Variants in LRP1B observed in about 807,000 individuals in gnomAD.
LRP1B encodes the protein low-density lipoprotein receptor-related protein 1B.
LRP1B carries 217 observed loss-of-function variants against 556.6 expected under a neutral mutation model. That is an observed-to-expected ratio of 0.39 (90% CI 0.35 to 0.44). LRP1B has a LOEUF of 0.44. Ranked by LOEUF, LRP1B falls within the 20% of genes least tolerant of loss-of-function variation. The pLI is 1.00. For missense variants in LRP1B, 5,053 were observed against 5,620.8 expected (o/e 0.90, Z 3.23); for synonymous variants, 2,047 against 1,865.8 (o/e 1.10, Z -2.50).
At chr2:141,557,410 T>A (rs924837154) in intron 2 of LRP1B, among the ~76,000 whole-genome samples, 2 of 151,902 alleles carry the variant, frequency 1.3e-5, no homozygotes, top group Non-Finnish European at 2.9e-5. Context: ...CCTTGGGTGG[T>A]GAAATGCAAG....
chr2:141,116,800 G>A (rs927595681), intron 7 of LRP1B, among the ~76,000 whole-genome samples: 1 of 151,662 alleles, frequency 6.6e-6, no homozygotes, highest in Non-Finnish European at 1.5e-5. Flanking sequence ...AACAAAGACT[G>A]GAAAGTATAT....
At chr2:141,256,669 A>G (rs1358735282) in intron 3 of LRP1B, among the ~76,000 whole-genome samples, 3 of 152,150 alleles carry the variant, frequency 2.0e-5, no homozygotes, top group Non-Finnish European at 4.4e-5. Context: ...ACACTAAATG[A>G]GTAGTACTAA....
intron 43 of LRP1B, among the ~76,000 whole-genome samples, chr2:140,557,850 C>T (rs1330599030): frequency 6.6e-6 from 1 of 152,160 alleles, no homozygotes; most frequent in East Asian, 1.9e-4. Flanking sequence ...TGCCCTTATT[C>T]AGCTCTCCTT....
chr2:140,618,486 A>C (rs1029556543), intron 41 of LRP1B, among the ~76,000 whole-genome samples: 1 of 152,170 alleles, frequency 6.6e-6, no homozygotes, highest in African/African-American at 2.4e-5. Context: ...TGAAAAATTC[A>C]ATAATCCTTT....
At chr2:141,704,336 G>C (rs1692061180) in intron 2 of LRP1B, among the ~76,000 whole-genome samples, 1 of 151,892 alleles carries the variant, frequency 6.6e-6, no homozygotes, top group Non-Finnish European at 1.5e-5. Flanking sequence ...TACTTCTCAT[G>C]TAAGGGTGGT....
At chr2:141,873,706 C>G (rs1267719843) in intron 1 of LRP1B, among the ~76,000 whole-genome samples, 1 of 151,506 alleles carries the variant, frequency 6.6e-6, no homozygotes, top group Non-Finnish European at 1.5e-5. Flanking sequence ...GGTTTCAGGT[C>G]TGGAGTAGAA....
At chr2:141,318,097 G>T (rs1457624272) in intron 3 of LRP1B, among the ~76,000 whole-genome samples, 8 of 152,036 alleles carry the variant, frequency 5.3e-5, no homozygotes, top group African/African-American at 1.9e-4. Flanking sequence ...GGAATCCTTG[G>T]CTCCTAAAAT....
chr2:142,063,208 T>G (rs1168034161), intron 1 of LRP1B, among the ~76,000 whole-genome samples: 1 of 151,630 alleles, frequency 6.6e-6, no homozygotes, highest in Non-Finnish European at 1.5e-5. Flanking sequence ...TTTCCCCCCA[T>G]TTTTCAATAT....
chr2:140,996,650 G>A (rs1455893630), intron 15 of LRP1B, among the ~76,000 whole-genome samples: 1 of 151,988 alleles, frequency 6.6e-6, no homozygotes, highest in African/African-American at 2.4e-5. Flanking sequence ...TGCAGTGAGA[G>A]ATTCTATTTG....
chr2:142,063,056 C>CAA (rs3041466), intron 1 of LRP1B, among the ~76,000 whole-genome samples: 56,922 of 124,680 alleles, frequency 0.46, 14,154 homozygotes, highest in East Asian at 0.65. Flanking sequence ...ATTACCTGAC[C>CAA]AAAAAAAAAA....
rs77866583 is a variant in LRP1B at position 140,689,800 on chromosome 2, T to C, written c.6799+10450A>G. Among the ~76,000 whole-genome samples the C allele has an allele frequency of 2.6e-5, 4 of 152,206 alleles. No homozygotes were observed. In the East Asian group the frequency reaches 7.7e-4, roughly 29 times the overall value. On this transcript the variant is annotated intron_variant, in intron 41 of 90. Transcript: ENST00000389484. Reference sequence around the variant, plus strand: ...CACAGGTTTCTAGTAAAGTTCAAGTTTTATAACAAAGATTGGCTATAACTC... The same window carrying C: ...CACAGGTTTCTAGTAAAGTTCAAGTCTTATAACAAAGATTGGCTATAACTC...
At chr2:142,120,941 G>GT (rs1559083015) in intron 1 of LRP1B, among the ~76,000 whole-genome samples, 2 of 152,076 alleles carry the variant, frequency 1.3e-5, no homozygotes, top group Non-Finnish European at 2.9e-5. Flanking sequence ...TGTGAACCAT[G>GT]TTTTACACAA....
At chr2:141,229,566 A>G (rs1683382182) in intron 5 of LRP1B, 126 bp from the exon 6 acceptor site, 1 of 736,690 alleles carries the variant, frequency 1.4e-6, no homozygotes, top group Non-Finnish European at 2.2e-6. Context: ...TTTCTTATAA[A>G]AAAACTTTCT....
At chr2:140,673,614 C>G (rs960463208) in intron 41 of LRP1B, among the ~76,000 whole-genome samples, 1 of 152,286 alleles carries the variant, frequency 6.6e-6, no homozygotes, top group African/African-American at 2.4e-5. Context: ...CCAACCTCTA[C>G]CCAGTACCCA....
chr2:141,447,938 G>A (rs1243147118), intron 3 of LRP1B, among the ~76,000 whole-genome samples: 1 of 152,218 alleles, frequency 6.6e-6, no homozygotes, highest in Non-Finnish European at 1.5e-5. Flanking sequence ...CAGAGCTTGA[G>A]CACTGTGCTG....
At chr2:141,036,419 C>T (rs1371618300) in intron 11 of LRP1B, among the ~76,000 whole-genome samples, 1 of 151,990 alleles carries the variant, frequency 6.6e-6, no homozygotes, top group African/African-American at 2.4e-5. Context: ...GAAACCCCAT[C>T]CAATCCTGAC....
At chr2:141,172,268 T>C (rs1449391109) in intron 7 of LRP1B, among the ~76,000 whole-genome samples, 2 of 152,080 alleles carry the variant, frequency 1.3e-5, no homozygotes, top group African/African-American at 4.8e-5. Context: ...TATTGCATTA[T>C]AACATGGTCT....
chr2:141,305,687 TA>T (rs1323849476), intron 3 of LRP1B, among the ~76,000 whole-genome samples: 1 of 152,194 alleles, frequency 6.6e-6, no homozygotes, highest in Non-Finnish European at 1.5e-5. Context: ...GGAAAGGCTT[TA>T]AACTTTTCCA....
At chr2:142,125,345 G>A (rs1707604299) in intron 1 of LRP1B, among the ~76,000 whole-genome samples, 1 of 151,662 alleles carries the variant, frequency 6.6e-6, no homozygotes, top group African/African-American at 2.4e-5. Context: ...TATGTACTTG[G>A]TGAGATTGAC....
Sources: gnomAD v4.1 joint callset for allele counts (sites outside exome capture counted in the v4.1 genomes callset) on GRCh38, gnomAD v4.1.1 for gene constraint, MANE v1.5 for transcripts, NCBI Gene and HGNC (gene_info 2026-07-23, HGNC 2026-07-21) for gene names.